RIMS2: variants seen among roughly 807,000 people sequenced by gnomAD.
RIMS2 encodes the protein regulating synaptic membrane exocytosis protein 2.
Under a neutral mutation model 174.4 loss-of-function variants are expected in RIMS2, and 59 were observed. The ratio of observed to expected loss-of-function variants is 0.34; its 90% confidence interval spans 0.27 to 0.42. The LOEUF (loss-of-function observed/expected upper bound fraction) is 0.42. Among genes scored for constraint, RIMS2 ranks in the 10% least tolerant of loss-of-function variants. The pLI is 1.00. For missense variants in RIMS2, 1,620 were observed against 1,666.3 expected, an observed-to-expected ratio of 0.97 and a Z score of 0.48; for synonymous variants, 606 against 572.5, an observed-to-expected ratio of 1.06 and a Z score of -0.84.
intron 19 of RIMS2, among the ~76,000 whole-genome samples, chr8:104,209,709 A>AT (rs1375904671): frequency 6.6e-6 from 1 of 152,192 alleles, no homozygotes; most frequent in African/African-American, 2.4e-5. Context: ...GTGCCTAAAA[A>AT]TTTTGTTAAA....
intron 2 of RIMS2, among the ~76,000 whole-genome samples, chr8:103,753,292 A>G (rs1478782646): frequency 1.3e-5 from 2 of 152,174 alleles, no homozygotes; most frequent in African/African-American, 2.4e-5. Flanking sequence ...AGTCCACTTG[A>G]TCATGGTGGA....
At chr8:103,530,814 A>G (rs569382951) in intron 1 of RIMS2, among the ~76,000 whole-genome samples, 1 of 152,090 alleles carries the variant, frequency 6.6e-6, no homozygotes, top group East Asian at 1.9e-4. Context: ...AGACAGATCT[A>G]TGGTGTTAGA....
intron 1 of RIMS2, chr8:103,568,531 T>C: frequency 2.5e-6 from 1 of 394,508 alleles, no homozygotes; most frequent in Non-Finnish European, 4.9e-6. Context: ...CTCAGCCACA[T>C]AGTATTCACT....
chr8:103,705,932 A>G (rs1289124894), intron 2 of RIMS2, among the ~76,000 whole-genome samples: 1 of 151,826 alleles, frequency 6.6e-6, no homozygotes, highest in Non-Finnish European at 1.5e-5. Flanking sequence ...ACCACTTACT[A>G]CTACCATTTT....
chr8:103,810,773 C>T (rs995644629), intron 3 of RIMS2, among the ~76,000 whole-genome samples: 4 of 152,032 alleles, frequency 2.6e-5, no homozygotes, highest in Non-Finnish European at 5.9e-5. Flanking sequence ...AATAGGTAGC[C>T]TTTGGGAGAA....
intron 19 of RIMS2, among the ~76,000 whole-genome samples, chr8:104,229,024 A>C (rs2099207908): frequency 6.6e-6 from 1 of 152,208 alleles, no homozygotes; most frequent in Non-Finnish European, 1.5e-5. Flanking sequence ...TCTTTAATTT[A>C]AAACTTTAAT....
At chr8:103,884,674 T>C (rs1594527528) in intron 3 of RIMS2, among the ~76,000 whole-genome samples, 2 of 152,032 alleles carry the variant, frequency 1.3e-5, no homozygotes, top group Admixed American at 1.3e-4. Context: ...ATTTTTGTAA[T>C]GAATAAATCA....
chr8:104,051,272 ATG>A (rs975887789), intron 19 of RIMS2, among the ~76,000 whole-genome samples: 3 of 151,972 alleles, frequency 2.0e-5, no homozygotes, highest in Non-Finnish European at 2.9e-5. Flanking sequence ...ATATATATGT[ATG>A]TGTGTGTATA....
At chr8:103,514,967 T>C (rs1406052521) in intron 1 of RIMS2, among the ~76,000 whole-genome samples, 1 of 151,978 alleles carries the variant, frequency 6.6e-6, no homozygotes, top group African/African-American at 2.4e-5. Flanking sequence ...AAAAACTTCA[T>C]TTTTTTCTGA....
rs150782314 is a variant in RIMS2, at chr8:103,723,682, C to T, written c.387+26386C>T. Among the ~76,000 whole-genome samples the T allele has an allele frequency of 4.6e-5, 7 of 152,278 alleles. No individual in the cohort carries two copies. The East Asian group carries it at 1.4e-3, about 29-fold the overall frequency. On this transcript the variant is annotated intron_variant, in intron 2 of 23. Coordinates refer to ENST00000504942, the Ensembl canonical transcript of RIMS2. ...GGTGCTGGCCTGATGACTGGAGCTACCAGGTCCAACCTGGAGTCTGAGGCT... is the reference window on the plus strand; with the variant it reads ...GGTGCTGGCCTGATGACTGGAGCTATCAGGTCCAACCTGGAGTCTGAGGCT...
chr8:103,884,765 T>G (rs2099189924), intron 3 of RIMS2, among the ~76,000 whole-genome samples: 1 of 151,868 alleles, frequency 6.6e-6, no homozygotes. Flanking sequence ...AAATGAAAAT[T>G]TAGGTGAACC....
At chr8:103,709,561 TCTC>T (rs2097277999) in intron 2 of RIMS2, among the ~76,000 whole-genome samples, 1 of 152,196 alleles carries the variant, frequency 6.6e-6, no homozygotes, top group Non-Finnish European at 1.5e-5. Context: ...CACTAATTAT[TCTC>T]CTCTACAGAG....
At chr8:104,110,580 T>A (rs150139954) in intron 19 of RIMS2, among the ~76,000 whole-genome samples, 6 of 152,304 alleles carry the variant, frequency 3.9e-5, no homozygotes, top group Non-Finnish European at 5.9e-5. Context: ...TTGTTAAGTC[T>A]TTTTAAAATA....
At chr8:103,516,202 T>C (rs1198724397) in intron 1 of RIMS2, among the ~76,000 whole-genome samples, 1 of 152,148 alleles carries the variant, frequency 6.6e-6, no homozygotes, top group African/African-American at 2.4e-5. Flanking sequence ...GCAGGCATTG[T>C]TTATTGGCCC....
At chr8:103,590,313 G>C (rs1442430835) in intron 1 of RIMS2, among the ~76,000 whole-genome samples, 1 of 151,374 alleles carries the variant, frequency 6.6e-6, no homozygotes, top group African/African-American at 2.4e-5. Context: ...TAAAGCTTCA[G>C]GATACAAAAA....
chr8:103,540,710 A>G (rs1401505707), intron 1 of RIMS2, among the ~76,000 whole-genome samples: 3 of 152,218 alleles, frequency 2.0e-5, no homozygotes, highest in Non-Finnish European at 4.4e-5. Context: ...ATCCAAAGTA[A>G]TTGTTTTAAG....
intron 19 of RIMS2, among the ~76,000 whole-genome samples, chr8:104,151,873 C>T (rs1283613619): frequency 2.0e-5 from 3 of 151,772 alleles, no homozygotes; most frequent in South Asian, 2.1e-4. Flanking sequence ...TAGAATTGCG[C>T]GGAGGAAGAG....
At chr8:103,759,564 CAAAAAAAAA>C (rs35946104) in intron 2 of RIMS2, among the ~76,000 whole-genome samples, 4 of 70,020 alleles carry the variant, frequency 5.7e-5, no homozygotes, top group African/African-American at 2.2e-4. Flanking sequence ...GACTCCGTCT[CAAAAAAAAA>C]AAAAAAAAAA....
chr8:103,812,137 G>A (rs532947762), intron 3 of RIMS2, among the ~76,000 whole-genome samples: 223 of 152,104 alleles, frequency 1.5e-3, no homozygotes, highest in Middle Eastern at 3.4e-3. Flanking sequence ...TAAAACTTAT[G>A]AAAACTGATG....
Sources: allele counts gnomAD v4.1 joint callset (sites outside exome capture counted in the v4.1 genomes callset), GRCh38; gene constraint gnomAD v4.1.1; transcripts MANE v1.5; gene names NCBI Gene and HGNC (gene_info 2026-07-23, HGNC 2026-07-21).